Variants in RORA observed in about 807,000 individuals in gnomAD.
RORA encodes nuclear receptor ROR-alpha.
Under a neutral mutation model 69.5 loss-of-function variants are expected in RORA, and 7 were observed. The ratio of observed to expected loss-of-function variants is 0.10; its 90% CI spans 0.06 to 0.19. The LOEUF (loss-of-function observed/expected upper bound fraction) is 0.19. Ranked by LOEUF, RORA falls within the 10% of genes least tolerant of loss-of-function variation. The pLI is 1.00. For missense variants in RORA, 457 were observed against 663.0 expected (o/e 0.69, Z 3.41); for synonymous variants, 261 against 240.8 (o/e 1.08, Z -0.78).
intron 1 of RORA, among the ~76,000 whole-genome samples, chr15:60,989,550 T>C (rs1250872597): frequency 6.6e-6 from 1 of 152,220 alleles, no homozygotes. Context: ...TGTGAATATA[T>C]GTTTTTCTTG....
chr15:61,133,457 C>G (rs1183654834), intron 1 of RORA, among the ~76,000 whole-genome samples: 1 of 152,070 alleles, frequency 6.6e-6, no homozygotes, highest in Non-Finnish European at 1.5e-5. Context: ...AAAAATGACC[C>G]AAAGTAAAAA....
intron 1 of RORA, among the ~76,000 whole-genome samples, chr15:60,950,458 T>C (rs1893054598): frequency 1.2e-5 from 1 of 81,078 alleles, no homozygotes; most frequent in Non-Finnish European, 2.4e-5. Flanking sequence ...TAAATGTAAA[T>C]GGACTAAATG....
intron 2 of RORA, among the ~76,000 whole-genome samples, chr15:60,597,876 G>A (rs925847581): frequency 6.6e-6 from 1 of 150,886 alleles, no homozygotes; most frequent in East Asian, 2.0e-4. Flanking sequence ...TCCACTTTTC[G>A]GGAACACTTT....
intron 1 of RORA, among the ~76,000 whole-genome samples, chr15:61,092,538 C>T (rs1279728137): frequency 6.6e-6 from 1 of 152,180 alleles, no homozygotes; most frequent in Non-Finnish European, 1.5e-5. Context: ...TGCCCCATAA[C>T]ACTACATGAA....
At chr15:61,029,369 T>A (rs1391930756) in intron 1 of RORA, among the ~76,000 whole-genome samples, 1 of 152,104 alleles carries the variant, frequency 6.6e-6, no homozygotes, top group East Asian at 1.9e-4. Context: ...CAGGAGCAAA[T>A]CCACACAGGG....
chr15:60,715,326 A>G (rs1301120477), intron 1 of RORA, among the ~76,000 whole-genome samples: 5 of 152,214 alleles, frequency 3.3e-5, no homozygotes, highest in African/African-American at 1.2e-4. Context: ...AATAATGAGA[A>G]ACTTTTTTGA....
At chr15:60,506,590 C>T (rs1018796362) in intron 5 of RORA, among the ~76,000 whole-genome samples, 13 of 152,054 alleles carry the variant, frequency 8.5e-5, no homozygotes, top group African/African-American at 2.2e-4. Context: ...TGGTGGCTCA[C>T]GCCTGTAATC....
In RORA at chr15:61,017,947, T is replaced by A. The variant is rs73422406; in HGVS notation, c.166+211106A>T. Among the ~76,000 whole-genome samples, 618 of 152,234 alleles carry A rather than the reference T, an allele frequency of 4.1e-3. 6 individuals carry two copies. Among genetic ancestry groups the A allele is most frequent in the African/African-American group, 0.014 (585 of 41,522 alleles). On this transcript the variant is annotated intron_variant, in intron 1 of 10. Transcript: ENST00000335670. ...TACCTTTATTTAAGGAGTGAAAGGGTTGACAAAACAAATAAATATCATAAA... is the reference window on the plus strand; with the variant it reads ...TACCTTTATTTAAGGAGTGAAAGGGATGACAAAACAAATAAATATCATAAA...
At chr15:60,875,818 G>A (rs892735866) in intron 1 of RORA, among the ~76,000 whole-genome samples, 1 of 152,178 alleles carries the variant, frequency 6.6e-6, no homozygotes, top group Admixed American at 6.5e-5. Context: ...AATGAAGCCA[G>A]GCCTTCAGTA....
chr15:60,789,835 C>T (rs1209314175), intron 1 of RORA, among the ~76,000 whole-genome samples: 1 of 152,128 alleles, frequency 6.6e-6, no homozygotes, highest in Non-Finnish European at 1.5e-5. Flanking sequence ...CAATTCCTTG[C>T]TTGTAACAAG....
intron 1 of RORA, among the ~76,000 whole-genome samples, chr15:61,142,377 A>T (rs964407428): frequency 6.6e-6 from 1 of 152,184 alleles, no homozygotes; most frequent in Non-Finnish European, 1.5e-5. Flanking sequence ...ACTATAACTC[A>T]TCAAATATGT....
chr15:60,843,776 A>T (rs2073230782), intron 1 of RORA, among the ~76,000 whole-genome samples: 1 of 152,158 alleles, frequency 6.6e-6, no homozygotes, highest in South Asian at 2.1e-4. Flanking sequence ...AAAGTTCTCC[A>T]TTTTGGCAAG....
chr15:61,187,197 C>T (rs1012265323), intron 1 of RORA, among the ~76,000 whole-genome samples: 4 of 152,180 alleles, frequency 2.6e-5, no homozygotes, highest in Admixed American at 1.3e-4. Context: ...AGTGGCAGGT[C>T]CTTAATGCAA....
At chr15:61,001,008 C>G (rs1300757184) in intron 1 of RORA, among the ~76,000 whole-genome samples, 3 of 152,226 alleles carry the variant, frequency 2.0e-5, no homozygotes, top group Non-Finnish European at 4.4e-5. Flanking sequence ...AAAAAGACCT[C>G]TCTTAACTGA....
intron 1 of RORA, among the ~76,000 whole-genome samples, chr15:60,959,498 GT>G (rs376898236): frequency 6.6e-6 from 1 of 152,258 alleles, no homozygotes; most frequent in Non-Finnish European, 1.5e-5. Flanking sequence ...GTTGAAAGAT[GT>G]TTCCAGGAGC....
chr15:60,755,262 G>C (rs1345786405), intron 1 of RORA, among the ~76,000 whole-genome samples: 3 of 150,608 alleles, frequency 2.0e-5, no homozygotes, highest in African/African-American at 7.3e-5. Flanking sequence ...GCTATAATTT[G>C]CTGAGAATGA....
At chr15:60,761,013 T>G (rs935204115) in intron 1 of RORA, among the ~76,000 whole-genome samples, 6 of 152,104 alleles carry the variant, frequency 3.9e-5, no homozygotes, top group Admixed American at 2.6e-4. Flanking sequence ...TTCTGGCCCT[T>G]CTCCTTTTGG....
chr15:60,996,075 T>TTTG (rs1555400401), intron 1 of RORA, among the ~76,000 whole-genome samples: 12 of 100,052 alleles, frequency 1.2e-4, no homozygotes, highest in African/African-American at 3.6e-4. Context: ...TTTTTTGTTT[T>TTTG]TTTTTTTTTT....
intron 1 of RORA, among the ~76,000 whole-genome samples, chr15:60,926,854 C>T (rs558582777): frequency 1.8e-4 from 28 of 152,224 alleles, no homozygotes; most frequent in African/African-American, 5.5e-4. Flanking sequence ...GTAATTAATC[C>T]ATGTATGTAA....
Sources: gnomAD v4.1 joint callset for allele counts (sites outside exome capture counted in the v4.1 genomes callset) on GRCh38, gnomAD v4.1.1 for gene constraint, MANE v1.5 for transcripts, NCBI Gene and HGNC (gene_info 2026-07-23, HGNC 2026-07-21) for gene names.